KCNIP4: variants seen among roughly 807,000 people sequenced by gnomAD.
KCNIP4 encodes the protein Kv channel-interacting protein 4.
KCNIP4 carries 12 observed loss-of-function variants against 34.0 expected under a neutral mutation model. The observed-to-expected ratio is 0.35, with a 90% CI of 0.23 to 0.57. The LOEUF is 0.57. Ranked by LOEUF, KCNIP4 falls within the 20% of genes least tolerant of loss-of-function variation. The probability of loss-of-function intolerance (pLI) is 0.83; values close to 1 mark genes in which losing one functional copy is unlikely to be tolerated. For synonymous variants in KCNIP4, 124 were observed against 102.2 expected, an observed-to-expected ratio of 1.21 and a Z score of -1.29; for missense variants, 238 against 311.7, an observed-to-expected ratio of 0.76 and a Z score of 1.78.
chr4:21,887,717 T>C (rs1726860760), intron 1 of KCNIP4, among the ~76,000 whole-genome samples: 2 of 152,000 alleles, frequency 1.3e-5, no homozygotes, highest in Non-Finnish European at 2.9e-5. Flanking sequence ...AATGATTTCC[T>C]TAACTAACAC....
At chr4:20,787,685 TTTTA>T in intron 3 of KCNIP4, among the ~76,000 whole-genome samples, 1 of 152,252 alleles carries the variant, frequency 6.6e-6, no homozygotes, top group African/African-American at 2.4e-5. Context: ...TTTAAATACA[TTTTA>T]TTGATTTTTG....
chr4:21,244,681 G>T (rs1418051693), intron 1 of KCNIP4, among the ~76,000 whole-genome samples: 1 of 152,110 alleles, frequency 6.6e-6, no homozygotes, highest in Non-Finnish European at 1.5e-5. Context: ...TTCTTTTAAT[G>T]AATCATGAAA....
At chr4:21,478,466 A>G (rs1731169777) in intron 1 of KCNIP4, among the ~76,000 whole-genome samples, 2 of 152,166 alleles carry the variant, frequency 1.3e-5, no homozygotes, top group African/African-American at 4.8e-5. Flanking sequence ...TAGCAAACAA[A>G]ACAAAACTGC....
At chr4:21,334,370 C>T (rs1406975000) in intron 1 of KCNIP4, among the ~76,000 whole-genome samples, 1 of 150,690 alleles carries the variant, frequency 6.6e-6, no homozygotes. Context: ...TTCTGAGGGG[C>T]ATAAGTTTAT....
chr4:20,909,553 T>C (rs1728128467), intron 1 of KCNIP4, among the ~76,000 whole-genome samples: 1 of 152,204 alleles, frequency 6.6e-6, no homozygotes, highest in African/African-American at 2.4e-5. Flanking sequence ...TGGAGCCCAC[T>C]ATGAGAGAAA....
At chr4:21,697,178 G>T (rs1407460778) in intron 1 of KCNIP4, among the ~76,000 whole-genome samples, 1 of 151,914 alleles carries the variant, frequency 6.6e-6, no homozygotes, top group Admixed American at 6.6e-5. Context: ...CAAAAGAGCT[G>T]CACTGCACAC....
intron 1 of KCNIP4, among the ~76,000 whole-genome samples, chr4:21,857,255 A>G (rs1560766337): frequency 6.6e-6 from 1 of 152,172 alleles, no homozygotes; most frequent in Non-Finnish European, 1.5e-5. Flanking sequence ...AGATGACATG[A>G]CCACCAGCTG....
rs114524102 is a variant in KCNIP4 at position 21,856,086 on chromosome 4, C to G, written c.61+92485G>C. 1.0e-2 allele frequency among the ~76,000 whole-genome samples: 1,521 copies of G among 152,288 alleles called. 29 individuals are homozygous for G. Among genetic ancestry groups the G allele is most frequent in the African/African-American group, 0.035 (1,434 of 41,552 alleles). On this transcript the variant is annotated intron_variant, in intron 1 of 8. Transcript: ENST00000382152. ...CATAAGGAAAGGACAGAAGCTGTTC[C>G]TGTTGCCATGGTCTGTCCCCCTCAC...
chr4:20,945,409 C>A (rs1026148548), intron 1 of KCNIP4, among the ~76,000 whole-genome samples: 1 of 152,182 alleles, frequency 6.6e-6, no homozygotes, highest in African/African-American at 2.4e-5. Flanking sequence ...ATCTTGAAAT[C>A]TTCTGGGCCT....
At chr4:21,476,983 C>T (rs1731035228) in intron 1 of KCNIP4, among the ~76,000 whole-genome samples, 1 of 152,048 alleles carries the variant, frequency 6.6e-6, no homozygotes, top group Non-Finnish European at 1.5e-5. Flanking sequence ...AACAGTGACC[C>T]AAATATGGTC....
At chr4:21,239,958 A>G (rs576735205) in intron 1 of KCNIP4, among the ~76,000 whole-genome samples, 88 of 152,216 alleles carry the variant, frequency 5.8e-4, no homozygotes, top group African/African-American at 2.0e-3. Flanking sequence ...ACAATAGCAA[A>G]GACTTGGAAC....
intron 1 of KCNIP4, among the ~76,000 whole-genome samples, chr4:21,780,916 C>T (rs1719535400): frequency 6.6e-6 from 1 of 152,164 alleles, no homozygotes; most frequent in Non-Finnish European, 1.5e-5. Context: ...TGGCTTGTGG[C>T]ATCATCACTC....
intron 1 of KCNIP4, among the ~76,000 whole-genome samples, chr4:21,754,110 C>T (rs2109150166): frequency 6.6e-6 from 1 of 152,344 alleles, no homozygotes; most frequent in South Asian, 2.1e-4. Flanking sequence ...CTCTCCACAG[C>T]AGCCATCTTA....
intron 1 of KCNIP4, among the ~76,000 whole-genome samples, chr4:21,724,446 A>G (rs1039610322): frequency 6.6e-6 from 1 of 152,146 alleles, no homozygotes; most frequent in Non-Finnish European, 1.5e-5. Flanking sequence ...CTATTATTAC[A>G]TGAACATCAT....
In KCNIP4 at chr4:20,895,267, T is replaced by C. The variant is rs116337677; in HGVS notation, c.62-12558A>G. Among the ~76,000 whole-genome samples, 1,084 of 152,356 alleles carry C rather than the reference T, an allele frequency of 7.1e-3. 12 individuals carry two copies. The highest frequency in any genetic ancestry group is 0.025 in the African/African-American group (1,031 of 41,590). The stretch of plus-strand genomic sequence containing the variant: ...TTCTTAACCCATCTTGTCTTGAATA[T>C]AGTCCTGAGAGCATGGTGTCTTTCA... On this transcript the variant is annotated intron_variant, in intron 1 of 8. Transcript: ENST00000382152.
chr4:21,221,900 CT>C (rs1196840743), intron 1 of KCNIP4, among the ~76,000 whole-genome samples: 1 of 152,152 alleles, frequency 6.6e-6, no homozygotes, highest in Non-Finnish European at 1.5e-5. Flanking sequence ...TACAGTGATC[CT>C]TTTTCCTGTT....
At chr4:21,739,187 A>G (rs1318177667) in intron 1 of KCNIP4, among the ~76,000 whole-genome samples, 1 of 152,138 alleles carries the variant, frequency 6.6e-6, no homozygotes, top group African/African-American at 2.4e-5. Context: ...TTTGTTTTCT[A>G]AACTGAGGAA....
At chr4:21,021,009 T>C (rs1456619663) in intron 1 of KCNIP4, among the ~76,000 whole-genome samples, 1 of 152,172 alleles carries the variant, frequency 6.6e-6, no homozygotes, top group East Asian at 1.9e-4. Context: ...GATTCTGTTG[T>C]TGTGTGAAGA....
At position 21,466,256 on chromosome 4, in the gene KCNIP4, T is replaced by A. The variant is rs1194504138; in HGVS notation, c.61+482315A>T. On this transcript the variant is annotated intron_variant, in intron 1 of 8. Transcript: ENST00000382152. ...ACACTAAACACCGAACTCCAAAGTC[T>A]AACCCACAATGTTTATAGTATGCTG... Among the ~76,000 whole-genome samples, 4 of 152,172 alleles carry A rather than the reference T, an allele frequency of 2.6e-5. No individual in the cohort carries two copies. In the East Asian group the frequency reaches 7.7e-4, roughly 29 times the overall value.
Sources: gnomAD v4.1 joint callset for allele counts (sites outside exome capture counted in the v4.1 genomes callset) on GRCh38, gnomAD v4.1.1 for gene constraint, MANE v1.5 for transcripts, NCBI Gene and HGNC (gene_info 2026-07-23, HGNC 2026-07-21) for gene names.